SLC39A11: variants seen among roughly 807,000 people sequenced by gnomAD.
The protein encoded by SLC39A11 is zinc transporter ZIP11.
In SLC39A11, 33 loss-of-function variants were observed where a neutral mutation model predicts 36.1. The ratio of observed to expected loss-of-function variants is 0.91; its 90% CI spans 0.69 to 1.22. The LOEUF is 1.22. SLC39A11 is among the 50% of genes most tolerant of loss of function. The probability of loss-of-function intolerance (pLI) is 0.00; values close to 1 mark genes in which losing one functional copy is unlikely to be tolerated. For missense variants in SLC39A11, 432 were observed against 430.3 expected (o/e 1.00, Z -0.03); for synonymous variants, 166 against 170.3 (o/e 0.97, Z 0.20).
In SLC39A11 at chr17:72,717,016, C is replaced by T. The variant is rs1486721404; in HGVS notation, c.671+19634G>A. Among the ~76,000 whole-genome samples the T allele has an allele frequency of 6.6e-3, 962 of 145,514 alleles. 10 individuals carry two copies. The highest frequency in any genetic ancestry group is 0.023 in the African/African-American group (899 of 38,446). On this transcript the variant is annotated intron_variant, in intron 7 of 9. Transcript: ENST00000255559. Reference sequence around the variant, plus strand: ...ATACACACACACACACACACACACACACACACACATATACACATATAAAAT... The same window carrying T: ...ATACACACACACACACACACACACATACACACACATATACACATATAAAAT...
At chr17:73,083,439 C>A (rs1325720578) in intron 3 of SLC39A11, among the ~76,000 whole-genome samples, 1 of 152,122 alleles carries the variant, frequency 6.6e-6, no homozygotes, top group Non-Finnish European at 1.5e-5. Context: ...GATCGCAGGG[C>A]TATAAAAACT....
chr17:72,652,104 A>C (rs1363472229), intron 7 of SLC39A11, among the ~76,000 whole-genome samples: 1 of 152,238 alleles, frequency 6.6e-6, no homozygotes, highest in Non-Finnish European at 1.5e-5. Flanking sequence ...TTGCAGGTGC[A>C]AAAGTGGCTA....
chr17:72,650,498 A>T (rs900625915), intron 7 of SLC39A11, among the ~76,000 whole-genome samples: 6 of 152,196 alleles, frequency 3.9e-5, no homozygotes, highest in Admixed American at 3.3e-4. Flanking sequence ...GCATGAGGGA[A>T]GCAGAGGAGG....
chr17:72,812,104 C>T (rs1457686906), intron 6 of SLC39A11, among the ~76,000 whole-genome samples: 1 of 152,062 alleles, frequency 6.6e-6, no homozygotes, highest in Non-Finnish European at 1.5e-5. Context: ...AAAAACTTGG[C>T]CTTAGTATAA....
intron 4 of SLC39A11, among the ~76,000 whole-genome samples, chr17:73,028,211 C>T (rs2058623167): frequency 6.6e-6 from 1 of 152,196 alleles, no homozygotes; most frequent in South Asian, 2.1e-4. Context: ...GTTCATAGAT[C>T]CCAAGAAGGG....
intron 3 of SLC39A11, among the ~76,000 whole-genome samples, chr17:73,038,968 T>C (rs1365598300): frequency 6.6e-6 from 1 of 152,102 alleles, no homozygotes; most frequent in Admixed American, 6.6e-5. Context: ...CCATGCCCCT[T>C]CTTCCGAACA....
intron 6 of SLC39A11, among the ~76,000 whole-genome samples, chr17:72,820,945 T>C (rs2077752567): frequency 6.7e-6 from 1 of 150,126 alleles, no homozygotes; most frequent in Non-Finnish European, 1.5e-5. Flanking sequence ...TTGGAATGTC[T>C]GCCGTATTAT....
At chr17:72,839,169 G>A (rs1303232240) in intron 6 of SLC39A11, 1 of 152,138 alleles carries the variant, frequency 6.6e-6, no homozygotes, top group African/African-American at 2.4e-5. Flanking sequence ...TAAGAGCCAG[G>A]CTTAGACTTA....
At chr17:72,726,221 C>T (rs2073925890) in intron 7 of SLC39A11, among the ~76,000 whole-genome samples, 1 of 151,994 alleles carries the variant, frequency 6.6e-6, no homozygotes, top group Non-Finnish European at 1.5e-5. Context: ...TGGAGGGAGC[C>T]AGTGAAGACA....
At chr17:72,657,589 AG>A (rs2070192059) in intron 7 of SLC39A11, among the ~76,000 whole-genome samples, 1 of 152,156 alleles carries the variant, frequency 6.6e-6, no homozygotes, top group Non-Finnish European at 1.5e-5. Flanking sequence ...GACAGGAACT[AG>A]GGTGCCCAAC....
chr17:72,917,370 C>T (rs568627997), intron 5 of SLC39A11, among the ~76,000 whole-genome samples: 4 of 152,266 alleles, frequency 2.6e-5, no homozygotes, highest in East Asian at 3.9e-4. Context: ...GGATTTATCT[C>T]GCGGCAAAAT....
intron 3 of SLC39A11, 131 bp downstream of exon 3, chr17:73,084,677 G>A: frequency 1.3e-6 from 1 of 781,606 alleles, no homozygotes. Flanking sequence ...TGATAAGAGG[G>A]AGGTGTTAGT....
intron 4 of SLC39A11, among the ~76,000 whole-genome samples, chr17:72,972,759 C>T (rs927787497): frequency 1.1e-4 from 16 of 152,166 alleles, no homozygotes; most frequent in Non-Finnish European, 1.9e-4. Flanking sequence ...CTCTTGGAGC[C>T]GGCTTTAGAA....
intron 5 of SLC39A11, among the ~76,000 whole-genome samples, chr17:72,904,699 C>T (rs1163488266): frequency 2.0e-5 from 3 of 152,178 alleles, no homozygotes; most frequent in African/African-American, 7.2e-5. Context: ...ACTGACGGGC[C>T]AAGGGATTCA....
intron 5 of SLC39A11, among the ~76,000 whole-genome samples, chr17:72,867,288 T>TC (rs2080349866): frequency 6.6e-6 from 1 of 151,994 alleles, no homozygotes; most frequent in Non-Finnish European, 1.5e-5. Context: ...TCACTTGGGG[T>TC]CAGGAGTTCG....
chr17:72,919,688 A>G (rs2083541233), intron 5 of SLC39A11, among the ~76,000 whole-genome samples: 1 of 151,366 alleles, frequency 6.6e-6, no homozygotes, highest in African/African-American at 2.4e-5. Flanking sequence ...AAAAAAAAGA[A>G]AAAAAGAAGG....
intron 5 of SLC39A11, among the ~76,000 whole-genome samples, chr17:72,901,959 C>T (rs753951447): frequency 2.6e-4 from 39 of 152,190 alleles, no homozygotes; most frequent in Middle Eastern, 6.8e-3. Flanking sequence ...GGCCTCAAAG[C>T]CAGTGATGGT....
At chr17:72,904,796 CAGG>C (rs1391196434) in intron 5 of SLC39A11, among the ~76,000 whole-genome samples, 1 of 152,146 alleles carries the variant, frequency 6.6e-6, no homozygotes, top group Non-Finnish European at 1.5e-5. Context: ...CGAAGGTGGG[CAGG>C]AGGGCATGGC....
chr17:72,939,873 A>G (rs569319846), intron 5 of SLC39A11, among the ~76,000 whole-genome samples: 1 of 152,276 alleles, frequency 6.6e-6, no homozygotes, highest in South Asian at 2.1e-4. Flanking sequence ...CAGATTTTTC[A>G]GATTTTGGAA....
Sources: gnomAD v4.1 joint callset for allele counts (sites outside exome capture counted in the v4.1 genomes callset) on GRCh38, gnomAD v4.1.1 for gene constraint, MANE v1.5 for transcripts, NCBI Gene and HGNC (gene_info 2026-07-23, HGNC 2026-07-21) for gene names.